Variants in CD200 observed in about 807,000 individuals in gnomAD.
CD200 encodes OX-2 membrane glycoprotein.
A neutral mutation model predicts 30.9 loss-of-function variants in CD200; 15 were observed. That is an observed-to-expected ratio of 0.49 (90% CI 0.32 to 0.75). The LOEUF is 0.75. Ranked by LOEUF, CD200 falls within the 30% of genes least tolerant of loss-of-function variation. The pLI, the probability that CD200 is intolerant of heterozygous loss-of-function variation, is 0.03. For missense variants in CD200, 262 were observed against 324.2 expected (o/e 0.81, Z 1.47); for synonymous variants, 134 against 126.2 (o/e 1.06, Z -0.41).
At chr3:112,355,300 G>A (rs9990215) in intron 5 of CD200, among the ~76,000 whole-genome samples, 68,346 of 151,886 alleles carry the variant, frequency 0.45, 15,380 homozygotes, top group East Asian at 0.51. Context: ...TTATTTTCCA[G>A]GATTATATTT....
chr3:112,360,986 A>C (rs2081729519), intron 5 of CD200, among the ~76,000 whole-genome samples: 2 of 152,106 alleles, frequency 1.3e-5, no homozygotes, highest in Non-Finnish European at 2.9e-5. Flanking sequence ...TCCTAGGATT[A>C]CGTATGCCCT....
At chr3:112,358,595 G>A (rs559950783) in intron 5 of CD200, among the ~76,000 whole-genome samples, 2 of 152,296 alleles carry the variant, frequency 1.3e-5, no homozygotes, top group East Asian at 3.9e-4. Context: ...AAGGGTAGAG[G>A]GAGGGCAGTT....
At chr3:112,337,767 A>G (rs1241666507) in intron 1 of CD200, among the ~76,000 whole-genome samples, 1 of 152,190 alleles carries the variant, frequency 6.6e-6, no homozygotes, top group Non-Finnish European at 1.5e-5. Flanking sequence ...TGAAAGAAGT[A>G]TAGTTGTCCC....
At chr3:112,335,903 T>A (rs984596930) in intron 1 of CD200, 1 of 1,419,686 alleles carries the variant, frequency 7.0e-7, no homozygotes, top group Non-Finnish European at 1.0e-6. Flanking sequence ...GAGACAATAT[T>A]GGCTCTAATT....
intron 1 of CD200, among the ~76,000 whole-genome samples, chr3:112,337,006 CAA>C (rs1225329802): frequency 1.3e-5 from 2 of 151,192 alleles, no homozygotes; most frequent in Admixed American, 6.6e-5. Flanking sequence ...TTTTCACTGA[CAA>C]GAGAGAATGA....
At chr3:112,351,841 A>T (rs1214168828) in intron 5 of CD200, among the ~76,000 whole-genome samples, 1 of 152,192 alleles carries the variant, frequency 6.6e-6, no homozygotes, top group African/African-American at 2.4e-5. Flanking sequence ...ACCTCCACTA[A>T]TAGCAGAAGG....
At chr3:112,358,296 G>A (rs974092895) in intron 5 of CD200, among the ~76,000 whole-genome samples, 5 of 152,202 alleles carry the variant, frequency 3.3e-5, no homozygotes, top group East Asian at 1.9e-4. Context: ...ACAACATGTT[G>A]TGGAATGAAA....
At chr3:112,341,449 G>A (rs1576592159) in intron 2 of CD200, among the ~76,000 whole-genome samples, 1 of 152,168 alleles carries the variant, frequency 6.6e-6, no homozygotes, top group South Asian at 2.1e-4. Flanking sequence ...AACAAATTTG[G>A]TTGTGCCATC....
chr3:112,336,060 T>C, intron 1 of CD200: 1 of 1,248,324 alleles, frequency 8.0e-7, no homozygotes, highest in Non-Finnish European at 1.2e-6. Context: ...GGTTAGTAAC[T>C]TCTCTTGCTA....
At chr3:112,357,263 AAAAAAAAAAAAG>A (rs1474441012) in intron 5 of CD200, among the ~76,000 whole-genome samples, 2 of 146,978 alleles carry the variant, frequency 1.4e-5, no homozygotes, top group African/African-American at 2.5e-5. Context: ...TGTCTCAAAA[AAAAAAAAAAAAG>A]AAAGAAAGAA....
At chr3:112,333,713 T>C (rs2081049683) in intron 1 of CD200, 2 of 985,362 alleles carry the variant, frequency 2.0e-6, no homozygotes. Flanking sequence ...GGAGAGCTCC[T>C]GCGTCTCCTC....
At position 112,349,816 on chromosome 3, in the gene CD200, CGAG is replaced by C. The variant is rs1559788634; in HGVS notation, c.801_802+1del. 6.2e-7 allele frequency: 1 copy of C among 1,605,818 alleles called. No homozygotes were observed. On this transcript the variant is annotated inframe_deletion and splice_region_variant, in exon 5 of 6. Coordinates refer to ENST00000315711, the MANE Select transcript of CD200 (RefSeq NM_005944.7). ...CTGGAAACGTCACCGGAATCAGGAC[CGAG>C]GTGAGTTGTCACAGGGAGTTCAAAA...
chr3:112,335,097 A>G (rs1303535980), intron 1 of CD200, among the ~76,000 whole-genome samples: 2 of 152,230 alleles, frequency 1.3e-5, no homozygotes, highest in Non-Finnish European at 2.9e-5. Flanking sequence ...GGCACTGGCA[A>G]TGGAGCCTGA....
chr3:112,340,187 A>C (rs558445527), intron 1 of CD200, among the ~76,000 whole-genome samples: 1 of 152,216 alleles, frequency 6.6e-6, no homozygotes, highest in Non-Finnish European at 1.5e-5. Flanking sequence ...CTTAGTATGA[A>C]CATACATACA....
intron 1 of CD200, among the ~76,000 whole-genome samples, chr3:112,335,343 G>C (rs1328489994): frequency 6.6e-6 from 1 of 152,192 alleles, no homozygotes; most frequent in Admixed American, 6.5e-5. Flanking sequence ...TATGTTATTA[G>C]TCTTAGACCT....
chr3:112,342,008 G>T (rs907198161), intron 2 of CD200, among the ~76,000 whole-genome samples: 1 of 152,114 alleles, frequency 6.6e-6, no homozygotes, highest in Non-Finnish European at 1.5e-5. Flanking sequence ...TATTGTGGGG[G>T]AGTTGCTTGT....
At chr3:112,346,814 A>G (rs1171858758) in intron 3 of CD200, among the ~76,000 whole-genome samples, 1 of 152,336 alleles carries the variant, frequency 6.6e-6, no homozygotes, top group Non-Finnish European at 1.5e-5. Context: ...AACAAAAATG[A>G]ACTCACTAGT....
intron 5 of CD200, among the ~76,000 whole-genome samples, chr3:112,357,291 GA>G (rs1439041418): frequency 9.4e-5 from 14 of 148,270 alleles, no homozygotes; most frequent in Non-Finnish European, 1.9e-4. Flanking sequence ...AAGAAAGAAA[GA>G]AAAAGAAAAG....
chr3:112,357,018 T>C (rs1375774737), intron 5 of CD200, among the ~76,000 whole-genome samples: 1 of 151,942 alleles, frequency 6.6e-6, no homozygotes, highest in Admixed American at 6.6e-5. Flanking sequence ...TCCCAGCACT[T>C]TGGGAGGCCG....
Sources: gnomAD v4.1 joint callset for allele counts (sites outside exome capture counted in the v4.1 genomes callset) on GRCh38, gnomAD v4.1.1 for gene constraint, MANE v1.5 for transcripts, NCBI Gene and HGNC (gene_info 2026-07-23, HGNC 2026-07-21) for gene names.